DGCR2: variants seen among roughly 807,000 people sequenced by gnomAD.
DGCR2 encodes integral membrane protein DGCR2/IDD.
A neutral mutation model predicts 51.6 loss-of-function variants in DGCR2; 24 were observed. The observed-to-expected ratio is 0.47, with a 90% CI of 0.34 to 0.65. The LOEUF (loss-of-function observed/expected upper bound fraction) is 0.65. Ranked by LOEUF, DGCR2 falls within the 30% of genes least tolerant of loss-of-function variation. The pLI, the probability that DGCR2 is intolerant of heterozygous loss-of-function variation, is 0.01. For missense variants in DGCR2, 765 were observed against 772.1 expected (o/e 0.99, Z 0.11); for synonymous variants, 340 against 315.4 (o/e 1.08, Z -0.82).
chr22:19,084,404 G>C (rs113530619), intron 2 of DGCR2, among the ~76,000 whole-genome samples: 71,450 of 141,886 alleles, frequency 0.5, 18,931 homozygotes, highest in African/African-American at 0.69. Context: ...CGTCTCCGCC[G>C]GGCCACCCCG....
intron 2 of DGCR2, among the ~76,000 whole-genome samples, chr22:19,088,581 G>A (rs1362701055): frequency 6.6e-6 from 1 of 152,208 alleles, no homozygotes; most frequent in African/African-American, 2.4e-5. Flanking sequence ...TGCATGTCTG[G>A]CCAAAGCATT....
At chr22:19,081,860 A>T (rs1039165863) in intron 2 of DGCR2, among the ~76,000 whole-genome samples, 1 of 152,216 alleles carries the variant, frequency 6.6e-6, no homozygotes, top group Non-Finnish European at 1.5e-5. Flanking sequence ...ATCTCACTGT[A>T]TGTAGTCTTA....
At chr22:19,088,584 A>G (rs1032695004) in intron 2 of DGCR2, among the ~76,000 whole-genome samples, 1 of 152,232 alleles carries the variant, frequency 6.6e-6, no homozygotes. Flanking sequence ...ATGTCTGGCC[A>G]AAGCATTTAA....
chr22:19,112,718 GA>G (rs2083329913), intron 1 of DGCR2, among the ~76,000 whole-genome samples: 1 of 144,070 alleles, frequency 6.9e-6, no homozygotes. Flanking sequence ...TTTCAGGTGT[GA>G]ACCACCCGGC....
chr22:19,109,898 C>T (rs1389771336), intron 1 of DGCR2, among the ~76,000 whole-genome samples: 5 of 152,222 alleles, frequency 3.3e-5, no homozygotes, highest in African/African-American at 1.2e-4. Flanking sequence ...GTAACTCCTG[C>T]AAGAAAGCAA....
In DGCR2 at chr22:19,041,894, A is replaced by G; in HGVS notation, c.1072T>C (p.Phe358Leu). The change falls in exon 8 of 10, where the codon TTC becomes CTC. Residue 358 changes from phenylalanine (F) to leucine (L), a missense_variant. By Grantham distance (22) the Phe-to-Leu change is conservative. Coordinates refer to ENST00000263196, the MANE Select transcript of DGCR2 (RefSeq NM_005137.3). ...AAGAGCAGCAGTGACAGGATGAGGAAGGAGGAGATGCAGCTGACGACCAGG... is the reference window on the plus strand; with the variant it reads ...AAGAGCAGCAGTGACAGGATGAGGAGGGAGGAGATGCAGCTGACGACCAGG... ...MRLVVSCISS[F>L]LILSLLLFMV... 6.2e-7 allele frequency: 1 copy of G among 1,612,226 alleles called. No individual in the cohort carries two copies. The highest frequency in any genetic ancestry group is 8.5e-7 in the Non-Finnish European group (1 of 1,178,626).
In DGCR2 at chr22:19,122,270, G is replaced by GC; in HGVS notation, c.-65_-64insG. On this transcript the variant is annotated 5_prime_UTR_variant, in exon 1 of 10. Coordinates refer to ENST00000263196, the MANE Select transcript of DGCR2 (RefSeq NM_005137.3). The stretch of plus-strand genomic sequence containing the variant: ...CGGACCAGGCCGGACTGAGGGTCAG[G>GC]GGACCGTGCCAAGCGGAGGGTCAGG... 7.4e-7 allele frequency: 1 copy of GC among 1,343,056 alleles called. No homozygotes were observed. The highest frequency in any genetic ancestry group is 9.9e-7 in the Non-Finnish European group (1 of 1,005,036). 83.2% of individuals were successfully genotyped at this position (1,343,056 alleles called of 1,614,324 possible).
rs764865799 is a variant in DGCR2, at chr22:19,064,883, C to A, written c.513G>T (p.Gln171His). ...LRFVLAQEWD[Q>H]PERSFGWKDQ... Reference sequence around the variant, plus strand: ...CCTTCCAACCAAAGCTCCGCTCGGGCTGGTCCCATTCCTGGGCCAGGACAA... The same window carrying A: ...CCTTCCAACCAAAGCTCCGCTCGGGATGGTCCCATTCCTGGGCCAGGACAA... Residue 171 changes from glutamine (Q) to histidine (H), a missense_variant, in exon 4 of 10, where the codon CAG becomes CAT. By Grantham distance (24) the Gln-to-His change is conservative (BLOSUM62 0). This residue lies in a region of DGCR2 where 370 missense variants were observed against 325.5 expected (regional missense o/e 1.14). Coordinates refer to ENST00000263196, the MANE Select transcript of DGCR2 (RefSeq NM_005137.3). 6.2e-7 allele frequency: 1 copy of A among 1,613,872 alleles called. No homozygotes were observed. The highest frequency in any genetic ancestry group is 1.1e-5 in the South Asian group (1 of 91,092).
chr22:19,065,596 C>T (rs763010566), intron 3 of DGCR2, among the ~76,000 whole-genome samples: 36 of 152,018 alleles, frequency 2.4e-4, no homozygotes, highest in Non-Finnish European at 4.3e-4. Flanking sequence ...CTCCCACAGC[C>T]GAAAAAAATA....
chr22:19,086,922 C>A (rs1478503271), intron 2 of DGCR2, among the ~76,000 whole-genome samples: 1 of 152,166 alleles, frequency 6.6e-6, no homozygotes, highest in Non-Finnish European at 1.5e-5. Context: ...GTGGATACCA[C>A]TATGTTCAGC....
intron 1 of DGCR2, among the ~76,000 whole-genome samples, chr22:19,105,043 C>T (rs1308072928): frequency 6.6e-6 from 1 of 152,188 alleles, no homozygotes; most frequent in Non-Finnish European, 1.5e-5. Flanking sequence ...GGACAGAGGG[C>T]CGGGCACGGT....
At chr22:19,062,675 CCAG>C (rs2082679514) in intron 5 of DGCR2, among the ~76,000 whole-genome samples, 3 of 151,912 alleles carry the variant, frequency 2.0e-5, no homozygotes, top group Admixed American at 6.6e-5. Flanking sequence ...AAGTCCGAGC[CCAG>C]GGAATGTAAA....
At chr22:19,039,942 A>G (rs1234073394) in intron 9 of DGCR2, among the ~76,000 whole-genome samples, 2 of 152,126 alleles carry the variant, frequency 1.3e-5, no homozygotes, top group Admixed American at 1.3e-4. Flanking sequence ...TGGGCAACAT[A>G]GTGAGACCCC....
rs555468450 is a variant in DGCR2, at chr22:19,111,863, T to A, written c.79+10265A>T. 5.8e-4 allele frequency among the ~76,000 whole-genome samples: 88 copies of A among 151,928 alleles called. 1 individual carries two copies. Among genetic ancestry groups the A allele is most frequent in the African/African-American group, 1.8e-3 (74 of 41,438 alleles). On this transcript the variant is annotated intron_variant, in intron 1 of 9. Coordinates refer to ENST00000263196, the MANE Select transcript of DGCR2 (RefSeq NM_005137.3). ...TGTTTTTATTTTTTATTTATTTATT[T>A]TTTTTTGTCTCCAGGAAGAAACTGA...
intron 1 of DGCR2, among the ~76,000 whole-genome samples, chr22:19,095,254 C>T (rs908401912): frequency 6.6e-6 from 1 of 152,112 alleles, no homozygotes; most frequent in Non-Finnish European, 1.5e-5. Context: ...CCCAGCTATT[C>T]AGGAGGCTGA....
rs555367532 is a variant in DGCR2 at position 19,042,652 on chromosome 22, G to A, written c.1007-693C>T. Among the ~76,000 whole-genome samples, 3 of 152,330 alleles carry A rather than the reference G, an allele frequency of 2.0e-5. No individual in the cohort carries two copies. In the South Asian group the frequency reaches 6.2e-4, roughly 32 times the overall value. On this transcript the variant is annotated intron_variant, in intron 7 of 9. Transcript: ENST00000263196. ...ATAGGGCATCAGGAAGCCAGGAGGAGGACCTGCCGCAGCAGAGAAGGGAAT... is the reference window on the plus strand; with the variant it reads ...ATAGGGCATCAGGAAGCCAGGAGGAAGACCTGCCGCAGCAGAGAAGGGAAT...
chr22:19,084,449 GC>G (rs1335017100), intron 2 of DGCR2, among the ~76,000 whole-genome samples: 1 of 142,790 alleles, frequency 7.0e-6, no homozygotes, highest in Non-Finnish European at 1.5e-5. Flanking sequence ...CCCGGCAGCC[GC>G]CCCGTCTGAG....
intron 2 of DGCR2, among the ~76,000 whole-genome samples, chr22:19,069,168 C>G (rs1430682820): frequency 1.3e-5 from 2 of 152,254 alleles, no homozygotes; most frequent in African/African-American, 4.8e-5. Context: ...TGCACACAGA[C>G]AGACGCCTGC....
intron 1 of DGCR2, among the ~76,000 whole-genome samples, chr22:19,091,038 C>G (rs758552876): frequency 6.6e-6 from 1 of 151,242 alleles, no homozygotes; most frequent in Non-Finnish European, 1.5e-5. Flanking sequence ...AAAGATATAC[C>G]ATGTTAACAC....
Sources: gnomAD v4.1 joint callset for allele counts (sites outside exome capture counted in the v4.1 genomes callset) on GRCh38, gnomAD v4.1.1 for gene constraint, gnomAD v4.1.1 regional missense constraint, MANE v1.5 for transcripts, NCBI Gene and HGNC (gene_info 2026-07-23, HGNC 2026-07-21) for gene names.